Variants in ALPK1 observed in about 807,000 individuals in gnomAD.
ALPK1 encodes alpha kinase 1.
In ALPK1, 110 loss-of-function variants were observed where a neutral mutation model predicts 120.6. The observed-to-expected ratio is 0.91, with a 90% CI of 0.78 to 1.07. ALPK1 has a LOEUF of 1.07. Ranked by LOEUF, ALPK1 falls within the 50% of genes least tolerant of loss-of-function variation. ALPK1 has a pLI of 0.00. For missense variants in ALPK1, 1,498 were observed against 1,483.9 expected, an observed-to-expected ratio of 1.01 and a Z score of -0.16; for synonymous variants, 582 against 560.3, an observed-to-expected ratio of 1.04 and a Z score of -0.55.
chr4:112,302,429 C>G (rs1276605437), intron 1 of ALPK1: 1 of 152,354 alleles, frequency 6.6e-6, no homozygotes, highest in Admixed American at 6.6e-5. Flanking sequence ...GAAGGTTTTT[C>G]ATTCTCCTCA....
At chr4:112,422,959 G>T (rs1342453433) in intron 5 of ALPK1, among the ~76,000 whole-genome samples, 2 of 152,224 alleles carry the variant, frequency 1.3e-5, no homozygotes, top group Non-Finnish European at 2.9e-5. Flanking sequence ...GTCAAAACAG[G>T]TCACAGGGCC....
intron 9 of ALPK1, among the ~76,000 whole-genome samples, chr4:112,428,298 G>C (rs778255370): frequency 2.0e-5 from 3 of 152,310 alleles, no homozygotes; most frequent in African/African-American, 7.2e-5. Flanking sequence ...GCCCAGAGAA[G>C]TGACAAGGAT....
chr4:112,366,343 A>C (rs1174891428), intron 2 of ALPK1, among the ~76,000 whole-genome samples: 1 of 152,100 alleles, frequency 6.6e-6, no homozygotes, highest in Non-Finnish European at 1.5e-5. Flanking sequence ...TAAACAAATC[A>C]CCAAGAAAAA....
rs1205720146 is a variant in ALPK1 at position 112,441,203 on chromosome 4, G to T, written c.3728G>T (p.Cys1243Phe). The change falls in exon 16 of 16, where the codon TGC (cysteine) becomes TTC (phenylalanine). Residue 1243 changes from cysteine to phenylalanine, a missense_variant and splice_region_variant. Physicochemically the swap from Cys to Phe is radical, Grantham distance 205. Coordinates refer to ENST00000650871, the MANE Select transcript of ALPK1 (RefSeq NM_025144.4). ...SLTRPSMEKP[C>F]T ...CAAATATCTGGTTCTCTCCTTCCAG[G>T]CACATAGAATACGGCACAGTCTGGT... is the stretch of plus-strand genomic sequence containing the variant. 1.2e-6 allele frequency: 2 copies of T among 1,600,714 alleles called. No homozygotes were observed. The highest frequency in any genetic ancestry group is 1.7e-6 in the Non-Finnish European group (2 of 1,167,944).
chr4:112,416,051 C>T (rs1195295704), intron 5 of ALPK1, among the ~76,000 whole-genome samples: 1 of 152,188 alleles, frequency 6.6e-6, no homozygotes, highest in East Asian at 1.9e-4. Context: ...CTCCTCGATT[C>T]AGGCTAGCAA....
At chr4:112,336,645 G>T (rs1342627294) in intron 2 of ALPK1, among the ~76,000 whole-genome samples, 1 of 151,906 alleles carries the variant, frequency 6.6e-6, no homozygotes, top group Non-Finnish European at 1.5e-5. Context: ...TATGTACTTG[G>T]CAGTTAATAT....
intron 2 of ALPK1, chr4:112,357,602 CTTTCCCAG>C (rs1730695204): frequency 6.3e-7 from 1 of 1,599,144 alleles, no homozygotes. Context: ...TTGCAGATCC[CTTTCCCAG>C]TCTGCCTGGA....
Position 112,432,017 on chromosome 4 carries a change from A to T in ALPK1, c.2470A>T (p.Asn824Tyr), listed in dbSNP as rs754871976. The T allele has an allele frequency of 1.2e-6, 2 of 1,614,002 alleles. No homozygotes were observed. Among genetic ancestry groups the T allele is most frequent in the Non-Finnish European group, 1.7e-6 (2 of 1,179,918 alleles). ...SMLPCSSFTPNWPVQNPDSRK... is the reference protein window; with the variant it reads ...SMLPCSSFTPYWPVQNPDSRK... ...GCTGCCATGTAGCTCCTTCACCCCT[A>T]ATTGGCCTGTTCAAAATCCTGACTC... The change falls in exon 11 of 16, where the codon AAT becomes TAT. Residue 824 changes from asparagine (N) to tyrosine (Y), a missense_variant. Asn to Tyr is a moderately radical substitution (Grantham distance 143, BLOSUM62 -2). Transcript: ENST00000650871.
At chr4:112,337,213 C>T (rs546366731) in intron 2 of ALPK1, among the ~76,000 whole-genome samples, 123 of 152,154 alleles carry the variant, frequency 8.1e-4, no homozygotes, top group African/African-American at 2.9e-3. Flanking sequence ...TGCATTCCCC[C>T]AACTTCCCAA....
At chr4:112,320,058 T>G (rs1188555537) in intron 2 of ALPK1, among the ~76,000 whole-genome samples, 1 of 152,236 alleles carries the variant, frequency 6.6e-6, no homozygotes, top group Non-Finnish European at 1.5e-5. Flanking sequence ...CTGATTGCTC[T>G]GGCTAGGACT....
intron 2 of ALPK1, among the ~76,000 whole-genome samples, chr4:112,345,449 A>G (rs1295000199): frequency 6.6e-6 from 1 of 152,162 alleles, no homozygotes; most frequent in Admixed American, 6.5e-5. Context: ...CATAATCTGG[A>G]CTTAATTACA....
rs145906942 is a variant in ALPK1, at chr4:112,430,858, C to A, written c.1311C>A (p.Phe437Leu). The A allele has an allele frequency of 2.5e-6, 4 of 1,613,928 alleles. No homozygotes were observed. The highest frequency in any genetic ancestry group is 3.4e-6 in the Non-Finnish European group (4 of 1,179,950). The change falls in exon 11 of 16, where the codon TTC (phenylalanine) becomes TTA (leucine). Residue 437 changes from phenylalanine to leucine, a missense_variant. Coordinates refer to ENST00000650871, the MANE Select transcript of ALPK1 (RefSeq NM_025144.4). ...VDDRSYVPES[F>L]ECRLDKLILH... ...ACAGATCTTATGTTCCCGAGAGTTT[C>A]GAGTGCAGGTTGGATAAACTTATCT...
intron 4 of ALPK1, among the ~76,000 whole-genome samples, chr4:112,400,451 A>C (rs1256096450): frequency 6.6e-6 from 1 of 152,218 alleles, no homozygotes; most frequent in Admixed American, 6.5e-5. Flanking sequence ...CAGGAGAATT[A>C]GAGGAATTTT....
rs558204975 is a variant in ALPK1 at position 112,345,075 on chromosome 4, A to G, written c.-101+29223A>G. 2.0e-5 allele frequency among the ~76,000 whole-genome samples: 3 copies of G among 152,252 alleles called. No homozygotes were observed. In the East Asian group the frequency reaches 5.8e-4, roughly 29 times the overall value. On this transcript the variant is annotated intron_variant, in intron 2 of 15. Transcript: ENST00000650871. ...AATTCTGTAGAAAGTAGAATAATAG[A>G]AGTGTGTTGGTTTCGGTAAAAGTAG...
intron 5 of ALPK1, among the ~76,000 whole-genome samples, chr4:112,418,091 T>C (rs562376480): frequency 7.9e-5 from 12 of 152,220 alleles, no homozygotes; most frequent in Admixed American, 2.0e-4. Flanking sequence ...ATTTTTAAGG[T>C]ACAGCCACTA....
At chr4:112,420,567 A>C (rs1049387520) in intron 5 of ALPK1, among the ~76,000 whole-genome samples, 1 of 152,208 alleles carries the variant, frequency 6.6e-6, no homozygotes, top group African/African-American at 2.4e-5. Flanking sequence ...CACAACTGGC[A>C]TGCAATGGGG....
chr4:112,358,465 C>G, intron 2 of ALPK1: 3 of 663,212 alleles, frequency 4.5e-6, no homozygotes, highest in Middle Eastern at 2.6e-4. Flanking sequence ...CTAAGAGTCT[C>G]GACCTGCACG....
Position 112,382,180 on chromosome 4 carries a change from G to A in ALPK1, c.122-218G>A, listed in dbSNP as rs189670800. Among the ~76,000 whole-genome samples, 6 of 152,198 alleles carry A rather than the reference G, an allele frequency of 3.9e-5. No homozygotes were observed. In the South Asian group the frequency reaches 6.2e-4, roughly 16 times the overall value. On this transcript the variant is annotated intron_variant, in intron 3 of 15. Coordinates refer to ENST00000650871, the MANE Select transcript of ALPK1 (RefSeq NM_025144.4). ...GCCTGACTACCCCAATTTACCTGTA[G>A]GGCAAAGTCGGCCAGGGCCACCCCT...
rs752157616 is a variant in ALPK1 at position 112,430,687 on chromosome 4, G to T, written c.1140G>T (p.Gln380His). ...CAGGGACGGTCCATGCAGCAAGTCA[G>T]CTCTGTAAGGAAGCAATGGGGAAGC... ...GETGTVHAASQLCKEAMGKLY... is the reference protein window; with the variant it reads ...GETGTVHAASHLCKEAMGKLY... Residue 380 changes from glutamine (Q) to histidine (H), a missense_variant, in exon 11 of 16, where the codon CAG (glutamine) becomes CAT (histidine). Transcript: ENST00000650871. 2.5e-6 allele frequency: 4 copies of T among 1,614,076 alleles called. No homozygotes were observed. The highest frequency in any genetic ancestry group is 2.2e-5 in the South Asian group (2 of 91,084).
Sources: allele counts gnomAD v4.1 joint callset (sites outside exome capture counted in the v4.1 genomes callset), GRCh38; gene constraint gnomAD v4.1.1; transcripts MANE v1.5; gene names NCBI Gene and HGNC (gene_info 2026-07-23, HGNC 2026-07-21).